The following TCERG1 variants were observed in gnomAD, a reference collection of about 807,000 sequenced individuals.
TCERG1 encodes TATA box binding protein (TBP)-associated factor, RNA polymerase II, S, 150kD.
A neutral mutation model predicts 144.7 loss-of-function variants in TCERG1; 37 were observed. The ratio of observed to expected loss-of-function variants is 0.26; its 90% confidence interval spans 0.20 to 0.34. The LOEUF (loss-of-function observed/expected upper bound fraction) is 0.34. Among genes scored for constraint, TCERG1 ranks in the 10% least tolerant of loss-of-function variants. The pLI is 1.00. For synonymous variants in TCERG1, 492 were observed against 458.2 expected, an observed-to-expected ratio of 1.07 and a Z score of -0.94; for missense variants, 1,027 against 1,380.7, an observed-to-expected ratio of 0.74 and a Z score of 4.06.
rs114782517 is a variant in TCERG1 at position 146,465,737 on chromosome 5, A to G, written c.1135+1944A>G. Reference sequence around the variant, plus strand: ...CTTTGGAGAGAGTGAGTGTCATACAAAGTGATATATTAGGCTGGGCACGGT... The same window carrying G: ...CTTTGGAGAGAGTGAGTGTCATACAGAGTGATATATTAGGCTGGGCACGGT... On this transcript the variant is annotated intron_variant, in intron 5 of 22. Coordinates refer to ENST00000679501, the MANE Select transcript of TCERG1 (RefSeq NM_001382548.1). Among the ~76,000 whole-genome samples the G allele has an allele frequency of 4.1e-3, 625 of 152,266 alleles. 4 individuals are homozygous for G. The highest frequency in any genetic ancestry group is 0.015 in the African/African-American group (610 of 41,544).
chr5:146,463,982 A>T (rs547457300), intron 5 of TCERG1, among the ~76,000 whole-genome samples, 189 bp downstream of exon 5: 2 of 152,234 alleles, frequency 1.3e-5, no homozygotes, highest in African/African-American at 4.8e-5. Context: ...GTTGTTGTTT[A>T]CATGTCCTAA....
chr5:146,489,855 A>G (rs1053361249), intron 15 of TCERG1, among the ~76,000 whole-genome samples: 2 of 152,296 alleles, frequency 1.3e-5, no homozygotes, highest in Middle Eastern at 3.4e-3. Flanking sequence ...CATAAAGCCA[A>G]GCGTATTGGA....
intron 4 of TCERG1, among the ~76,000 whole-genome samples, chr5:146,462,538 C>T (rs1393985992): frequency 6.6e-6 from 1 of 151,918 alleles, no homozygotes; most frequent in African/African-American, 2.4e-5. Context: ...GTTTTATTTT[C>T]GATATTTAAA....
chr5:146,510,586 C>T lies in TCERG1; in HGVS notation c.3292C>T (p.Arg1098Trp), dbSNP rs778376347. The stretch of plus-strand genomic sequence containing the variant: ...GGCATATGTTGATGACCTGGATCGC[C>T]GGGGTCCACCCCCACCTCCCACAGC... ...IVAYVDDLDR[R>W]GPPPPPTASE... Residue 1098 changes from arginine to tryptophan, a missense_variant, in exon 23 of 23, where the codon CGG becomes TGG. By Grantham distance (101) the Arg-to-Trp change is moderately radical. Around this residue, in one of 6 missense-constraint regions of TCERG1, gnomAD observed 133 missense variants for 283.2 expected, o/e 0.47. Transcript: ENST00000679501. The T allele has an allele frequency of 1.2e-6, 2 of 1,613,964 alleles. No individual in the cohort carries two copies. Among genetic ancestry groups the T allele is most frequent in the Admixed American group, 1.7e-5 (1 of 60,010 alleles).
intron 10 of TCERG1, among the ~76,000 whole-genome samples, chr5:146,479,168 A>G (rs563482656): frequency 6.6e-6 from 1 of 152,254 alleles, no homozygotes; most frequent in Non-Finnish European, 1.5e-5. Context: ...TATTGAGTAC[A>G]GATATTTGTA....
chr5:146,455,180 C>T lies in TCERG1; in HGVS notation c.184C>T (p.Pro62Ser), dbSNP rs1354325997. ...TGGTATGATGCGAGGCCCTCCTCCA[C>T]CACCACGGCCGCCCTTTGGACGTCC... Reference protein sequence around the residue: ...PFGMMRGPPPPPRPPFGRPPF... With the variant: ...PFGMMRGPPPSPRPPFGRPPF... The change falls in exon 2 of 23, where the codon CCA becomes TCA. Residue 62 changes from proline (P) to serine (S), a missense_variant. Physicochemically the swap from Pro to Ser is moderately conservative, Grantham distance 74. Around this residue, in one of 6 missense-constraint regions of TCERG1, gnomAD observed 175 missense variants for 197.0 expected, o/e 0.89. Transcript: ENST00000679501. 5 of 1,614,232 alleles carry T rather than the reference C, an allele frequency of 3.1e-6. No homozygotes were observed. Among genetic ancestry groups the T allele is most frequent in the Non-Finnish European group, 4.2e-6 (5 of 1,180,040 alleles).
chr5:146,447,430 C>G, intron 1 of TCERG1, 22 bp downstream of exon 1: 2 of 1,607,074 alleles, frequency 1.2e-6, no homozygotes, highest in Non-Finnish European at 1.7e-6. Context: ...TGCCCTCCTT[C>G]ACATCTCTGC....
chr5:146,459,411 G>A, intron 4 of TCERG1, 74 bp downstream of exon 4: 2 of 1,539,812 alleles, frequency 1.3e-6, no homozygotes, highest in South Asian at 2.5e-5. Context: ...ATTTCATATT[G>A]ATCCCAGTGT....
In TCERG1 at chr5:146,501,004, C is replaced by CAA. The variant is rs56318938; in HGVS notation, c.2433+2332_2433+2333dup. On this transcript the variant is annotated intron_variant, in intron 17 of 22. Coordinates refer to ENST00000679501, the MANE Select transcript of TCERG1 (RefSeq NM_001382548.1). ...GCCTGGACAACAGATGGGATTCTTT[C>CAA]AAAAAAAAAAAAAAAGAAAAAAAAG... Among the ~76,000 whole-genome samples, 33 of 132,420 alleles carry CAA rather than the reference C, an allele frequency of 2.5e-4. 1 individual carries two copies. Among genetic ancestry groups the CAA allele is most frequent in the African/African-American group, 8.9e-4 (32 of 35,970 alleles). The allele number at this position is 132,420 out of a possible 152,430, so 86.9% of individuals were successfully genotyped here.
Position 146,459,098 on chromosome 5 carries a change from A to C in TCERG1, c.653A>C (p.Gln218Pro), listed in dbSNP as rs751677150. 1 of 1,594,858 alleles carries C rather than the reference A, an allele frequency of 6.3e-7. No homozygotes were observed. Among genetic ancestry groups the C allele is most frequent in the African/African-American group, 1.3e-5 (1 of 74,436 alleles). Residue 218 changes from glutamine (Q) to proline (P), a missense_variant, in exon 4 of 23, where the codon CAG (glutamine) becomes CCG (proline). Transcript: ENST00000679501. ...QAQAQAQAQA[Q>P]AQAQAQAQAQ... ...CAGGCCCAGGCCCAGGCCCAGGCCC[A>C]GGCCCAGGCCCAAGCCCAAGCCCAG... is the stretch of plus-strand genomic sequence containing the variant.
At chr5:146,485,868 T>C (rs1312521228) in intron 15 of TCERG1, among the ~76,000 whole-genome samples, 1 of 152,128 alleles carries the variant, frequency 6.6e-6, no homozygotes, top group Non-Finnish European at 1.5e-5. Flanking sequence ...CTAATTTTTC[T>C]ATCTTTAGTA....
Position 146,481,217 on chromosome 5 carries a change from C to T in TCERG1, c.1937+17C>T. The T allele has an allele frequency of 1.0e-6, 1 of 983,786 alleles. No homozygotes were observed. The highest frequency in any genetic ancestry group is 1.2e-6 in the Non-Finnish European group (1 of 828,552). The allele number at this position is 983,786 out of a possible 1,614,324, so 60.9% of individuals were successfully genotyped here. ...TCTATTTAGGTACAAAGCTAAAAGCCTGTTTTTCCTGGCTTAGTTTTTCTT... is the reference window on the plus strand; with the variant it reads ...TCTATTTAGGTACAAAGCTAAAAGCTTGTTTTTCCTGGCTTAGTTTTTCTT... On this transcript the variant is annotated intron_variant, in intron 13 of 22. Coordinates refer to ENST00000679501, the MANE Select transcript of TCERG1 (RefSeq NM_001382548.1).
rs1768453203 is a variant in TCERG1, at chr5:146,511,548, G to A, written c.*906G>A. 3 of 111,734 alleles carry A rather than the reference G, an allele frequency of 2.7e-5. No homozygotes were observed. 6.9% of individuals were successfully genotyped at this position (111,734 alleles called of 1,614,324 possible). ...GATTATTGTTACTTAATTTTTAAGA[G>A]CTTATTTTAACCTGTTTTTAAAAGC... On this transcript the variant is annotated 3_prime_UTR_variant, in exon 23 of 23. Coordinates refer to ENST00000679501, the MANE Select transcript of TCERG1 (RefSeq NM_001382548.1).
At position 146,472,842 on chromosome 5, in the gene TCERG1, T is replaced by G. The variant is rs563164300; in HGVS notation, c.1601+1266T>G. Reference sequence around the variant, plus strand: ...GATTCTTCTGTCTCAGCTTCCCAAATAGCTGGGATTATAGTTACACGCCAC... The same window carrying G: ...GATTCTTCTGTCTCAGCTTCCCAAAGAGCTGGGATTATAGTTACACGCCAC... On this transcript the variant is annotated intron_variant, in intron 9 of 22. Coordinates refer to ENST00000679501, the MANE Select transcript of TCERG1 (RefSeq NM_001382548.1). Among the ~76,000 whole-genome samples the G allele has an allele frequency of 8.9e-4, 135 of 152,234 alleles. 1 individual carries two copies. The highest frequency in any genetic ancestry group is 3.2e-3 in the African/African-American group (131 of 41,530).
chr5:146,498,311 T>C lies in TCERG1; in HGVS notation c.2283-225T>C, dbSNP rs75766943. Among the ~76,000 whole-genome samples, 3 of 151,900 alleles carry C rather than the reference T, an allele frequency of 2.0e-5. No individual in the cohort carries two copies. In the South Asian group the frequency reaches 6.2e-4, roughly 31 times the overall value. ...TTTCTTTTTTTTTTTAATAATAATATTTATTCTCCTAATTCTATGCTGATA... is the reference window on the plus strand; with the variant it reads ...TTTCTTTTTTTTTTTAATAATAATACTTATTCTCCTAATTCTATGCTGATA... On this transcript the variant is annotated intron_variant, in intron 16 of 22. Transcript: ENST00000679501.
At chr5:146,483,253 A>G (rs889808466) in intron 14 of TCERG1, among the ~76,000 whole-genome samples, 1 of 152,152 alleles carries the variant, frequency 6.6e-6, no homozygotes, top group African/African-American at 2.4e-5. Flanking sequence ...TAAATCTTCA[A>G]GGCTTTTTCT....
chr5:146,453,911 C>T (rs973330190), intron 1 of TCERG1, among the ~76,000 whole-genome samples: 1 of 151,920 alleles, frequency 6.6e-6, no homozygotes, highest in Admixed American at 6.6e-5. Flanking sequence ...TAGAACATTC[C>T]TTCCGGCCAG....
At chr5:146,490,695 A>C (rs977690810) in intron 15 of TCERG1, among the ~76,000 whole-genome samples, 7 of 152,106 alleles carry the variant, frequency 4.6e-5, no homozygotes, top group Admixed American at 3.3e-4. Context: ...CAGCTCTTTT[A>C]GTTACGGGAA....
rs1452995030 is a variant in TCERG1, at chr5:146,447,532, C to T, written c.59+124C>T. ...CGGAGCCGGGCGGCCCGGGCCGGGA[C>T]CGCATGGGGTTTAAGAAGGGGGAAG... On this transcript the variant is annotated intron_variant, in intron 1 of 22. Transcript: ENST00000679501. The T allele has an allele frequency of 3.1e-6, 4 of 1,276,788 alleles. No individual in the cohort carries two copies. In the East Asian group the frequency reaches 8.1e-5, roughly 26 times the overall value. 79.1% of individuals were successfully genotyped at this position (1,276,788 alleles called of 1,614,324 possible). A position where few individuals can be genotyped will look rare whatever the true frequency, so the allele number is the denominator to read the frequency against.
Sources: gnomAD v4.1 joint callset for allele counts (sites outside exome capture counted in the v4.1 genomes callset) on GRCh38, gnomAD v4.1.1 for gene constraint, gnomAD v4.1.1 regional missense constraint, MANE v1.5 for transcripts, NCBI Gene and HGNC (gene_info 2026-07-23, HGNC 2026-07-21) for gene names.